SMG1: variants seen among roughly 807,000 people sequenced by gnomAD.
SMG1 encodes the protein SMG1 nonsense mediated mRNA decay associated PI3K related kinase.
In SMG1, 22 loss-of-function variants were observed where a neutral mutation model predicts 419.9. The observed-to-expected ratio is 0.05, with a 90% confidence interval of 0.04 to 0.07. SMG1 has a LOEUF of 0.07. Ranked by LOEUF, SMG1 falls within the 10% of genes least tolerant of loss-of-function variation. SMG1 has a pLI of 1.00. For missense variants in SMG1, 3,185 were observed against 4,342.0 expected (o/e 0.73, Z 7.49); for synonymous variants, 1,538 against 1,553.5 (o/e 0.99, Z 0.23).
intron 6 of SMG1, among the ~76,000 whole-genome samples, chr16:18,888,718 G>A (rs976935301): frequency 9.2e-5 from 14 of 151,744 alleles, no homozygotes; most frequent in Admixed American, 2.6e-4. Context: ...TTTCCACCTC[G>A]GCCTCCCAAA....
rs759368013 is a variant in SMG1 at position 18,926,054 on chromosome 16, CACG to C, written c.-16_-14del. 7 of 1,561,614 alleles carry C rather than the reference CACG, an allele frequency of 4.5e-6. No homozygotes were observed. The South Asian group carries it at 6.9e-5, about 15-fold the overall frequency. ...CTCTGCGGCTCATTACCTTCCCCGA[CACG>C]ACATGGCCAAGCGCCGCCGCCCAAA... is the stretch of plus-strand genomic sequence containing the variant. On this transcript the variant is annotated 5_prime_UTR_variant, in exon 1 of 63. Coordinates refer to ENST00000446231, the MANE Select transcript of SMG1 (RefSeq NM_015092.5).
At chr16:18,915,120 T>C (rs2037922304) in intron 1 of SMG1, among the ~76,000 whole-genome samples, 1 of 151,964 alleles carries the variant, frequency 6.6e-6, no homozygotes. Context: ...TACAGGTGTG[T>C]GCCACCATGC....
chr16:18,919,634 A>AAGTG (rs1555507747), intron 1 of SMG1, among the ~76,000 whole-genome samples: 1 of 124,570 alleles, frequency 8.0e-6, no homozygotes, highest in Non-Finnish European at 1.7e-5. Context: ...AAAAAAAAAA[A>AAGTG]TGTGTGTGTG....
intron 37 of SMG1, 61 bp from the exon 38 acceptor site, chr16:18,847,668 A>G: frequency 9.4e-6 from 15 of 1,603,422 alleles, no homozygotes; most frequent in Non-Finnish European, 8.5e-6. Flanking sequence ...CAGCTCTTCA[A>G]ACACTGGACT....
At chr16:18,845,381 G>A in intron 39 of SMG1, 48 bp downstream of exon 39, 1 of 1,501,332 alleles carries the variant, frequency 6.7e-7, no homozygotes, top group Non-Finnish European at 9.2e-7. Context: ...GTATCTCATG[G>A]GAACTGTGAT....
rs1284732092 is a variant in SMG1, at chr16:18,879,559, T to A, written c.1454A>T (p.Gln485Leu). 7.8e-7 allele frequency: 1 copy of A among 1,281,820 alleles called. No individual in the cohort carries two copies. Among genetic ancestry groups the A allele is most frequent in the Non-Finnish European group, 1.1e-6 (1 of 914,296 alleles). 79.4% of individuals were successfully genotyped at this position (1,281,820 alleles called of 1,614,324 possible). ...ACCACAAGTCTGGCAATTCTCCAGT[T>A]GGTCTAATCCATATGTAATGACCAT... ...CDMVITYGLDQLENCQTCGTD... is the reference protein window; with the variant it reads ...CDMVITYGLDLLENCQTCGTD... The change falls in exon 11 of 63, where the codon CAA (glutamine) becomes CTA (leucine). Residue 485 changes from glutamine (Q) to leucine (L), a missense_variant. This residue lies in a region of SMG1 where 297 missense variants were observed against 491.0 expected (regional missense o/e 0.60). Coordinates refer to ENST00000446231, the MANE Select transcript of SMG1 (RefSeq NM_015092.5).
chr16:18,900,000 T>A, intron 1 of SMG1: 1 of 1,530,226 alleles, frequency 6.5e-7, no homozygotes, highest in Non-Finnish European at 8.7e-7. Context: ...AAAAATCGCA[T>A]ACTGTATAAT....
intron 58 of SMG1, chr16:18,815,977 T>A: frequency 2.2e-6 from 1 of 453,754 alleles, no homozygotes; most frequent in East Asian, 4.2e-5. Context: ...ACTGTATGGG[T>A]TTGTTGGTAT....
rs1032654782 is a variant in SMG1, at chr16:18,808,892, G to A, written c.*677C>T. ...GGCTAATCTACTAGATTAGGTAAAG[G>A]GGGAACGGGTAAGTGGTGGGGAGGA... is the stretch of plus-strand genomic sequence containing the variant. On this transcript the variant is annotated 3_prime_UTR_variant, in exon 63 of 63. Coordinates refer to ENST00000446231, the MANE Select transcript of SMG1 (RefSeq NM_015092.5). 12 of 152,566 alleles carry A rather than the reference G, an allele frequency of 7.9e-5. No homozygotes were observed. Among genetic ancestry groups the A allele is most frequent in the Non-Finnish European group, 1.6e-4 (11 of 68,016 alleles). The allele number at this position is 152,566 out of a possible 1,614,324, so 9.5% of individuals were successfully genotyped here.
chr16:18,907,231 G>A (rs978150000), intron 1 of SMG1, among the ~76,000 whole-genome samples: 4 of 151,218 alleles, frequency 2.6e-5, no homozygotes, highest in African/African-American at 9.7e-5. Context: ...GCAGTGAGCC[G>A]AGACTGCGCC....
chr16:18,895,041 T>A (rs571218490), intron 3 of SMG1, among the ~76,000 whole-genome samples: 14,404 of 151,816 alleles, frequency 0.095, 728 homozygotes, highest in Middle Eastern at 0.17. Context: ...ATGGTCTCGA[T>A]CTCCTGACCT....
rs1314442351 is a variant in SMG1, at chr16:18,850,351, TTCA to T, written c.5166_5168del (p.Asp1722del). 6.2e-7 allele frequency: 1 copy of T among 1,613,966 alleles called. No homozygotes were observed. The highest frequency in any genetic ancestry group is 8.5e-7 in the Non-Finnish European group (1 of 1,179,858). On this transcript the variant is annotated inframe_deletion, in exon 34 of 63. Coordinates refer to ENST00000446231, the MANE Select transcript of SMG1 (RefSeq NM_015092.5). ...CTTTAATAACTCCTTCAGTTGCACT[TTCA>T]TCAAGTTCTGAAAGCCATGGGCAGC...
intron 9 of SMG1, among the ~76,000 whole-genome samples, 159 bp downstream of exon 9, chr16:18,883,911 T>A: frequency 7.5e-6 from 1 of 133,762 alleles, no homozygotes. Context: ...AGAGCGAGAC[T>A]CCATCTCAAA....
Position 18,805,855 on chromosome 16 carries a change from T to C in SMG1, c.*3714A>G, listed in dbSNP as rs2030778796. ...TAATTTTATGTAAAACAAAGATGCT[T>C]AAATGTGCGAATAGTAAAGCATTCA... is the stretch of plus-strand genomic sequence containing the variant. On this transcript the variant is annotated 3_prime_UTR_variant, in exon 63 of 63. Transcript: ENST00000446231. 6.6e-6 allele frequency: 1 copy of C among 152,530 alleles called. No homozygotes were observed. The highest frequency in any genetic ancestry group is 1.5e-5 in the Non-Finnish European group (1 of 68,038). The allele number at this position is 152,530 out of a possible 1,614,324, so 9.4% of individuals were successfully genotyped here. A position where few individuals can be genotyped will look rare whatever the true frequency, so the allele number is the denominator to read the frequency against.
rs186280925 is a variant in SMG1 at position 18,869,376 on chromosome 16, G to A, written c.2634-73C>T. 184 of 1,291,018 alleles carry A rather than the reference G, an allele frequency of 1.4e-4. 3 individuals carry two copies. The East Asian group carries it at 3.2e-3, about 23-fold the overall frequency. The allele number at this position is 1,291,018 out of a possible 1,614,324, so 80.0% of individuals were successfully genotyped here. A position where few individuals can be genotyped will look rare whatever the true frequency, so the allele number is the denominator to read the frequency against. On this transcript the variant is annotated intron_variant, in intron 19 of 62. Transcript: ENST00000446231. Reference sequence around the variant, plus strand: ...AATAATGAAAAAAAAAATGCAAGGGGAATAGGAATAAGGAACTGTAATTTT... The same window carrying A: ...AATAATGAAAAAAAAAATGCAAGGGAAATAGGAATAAGGAACTGTAATTTT...
At chr16:18,870,954 A>C (rs1427335582) in intron 16 of SMG1, 66 bp from the exon 17 acceptor site, 20 of 775,636 alleles carry the variant, frequency 2.6e-5, no homozygotes, top group Non-Finnish European at 4.1e-5. Flanking sequence ...GTTTGTCATA[A>C]TTATCTGAAT....
intron 41 of SMG1, among the ~76,000 whole-genome samples, 181 bp downstream of exon 41, chr16:18,841,384 C>G (rs2033912473): frequency 8.8e-6 from 1 of 113,282 alleles, no homozygotes; most frequent in African/African-American, 3.8e-5. Context: ...GGCGACAGAG[C>G]AAGACTGTGT....
At chr16:18,811,422 C>G (rs1397846784) in intron 62 of SMG1, among the ~76,000 whole-genome samples, 1 of 152,138 alleles carries the variant, frequency 6.6e-6, no homozygotes, top group Non-Finnish European at 1.5e-5. Flanking sequence ...ATGCTCCACT[C>G]ATACTACACC....
intron 1 of SMG1, among the ~76,000 whole-genome samples, chr16:18,924,410 T>C (rs1013921842): frequency 6.6e-6 from 1 of 152,198 alleles, no homozygotes; most frequent in African/African-American, 2.4e-5. Flanking sequence ...CACTTTATTC[T>C]TCTAAAAGGT....
Sources: allele counts gnomAD v4.1 joint callset (sites outside exome capture counted in the v4.1 genomes callset), GRCh38; gene constraint gnomAD v4.1.1; regional missense constraint gnomAD v4.1.1; transcripts MANE v1.5; gene names NCBI Gene and HGNC (gene_info 2026-07-23, HGNC 2026-07-21).